The following ARHGAP31 variants were observed in gnomAD, a reference collection of about 807,000 sequenced individuals.
ARHGAP31 encodes rho GTPase-activating protein 31.
In ARHGAP31, 34 loss-of-function variants were observed where a neutral mutation model predicts 113.9. The observed-to-expected ratio is 0.30, with a 90% CI of 0.23 to 0.40. ARHGAP31 has a LOEUF of 0.40. Ranked by LOEUF, ARHGAP31 falls within the 10% of genes least tolerant of loss-of-function variation. The pLI is 1.00. For missense variants in ARHGAP31, 1,548 were observed against 1,767.1 expected (o/e 0.88, Z 2.22); for synonymous variants, 650 against 684.8 (o/e 0.95, Z 0.79).
intron 6 of ARHGAP31, among the ~76,000 whole-genome samples, chr3:119,384,661 C>A (rs1298009826): frequency 6.6e-6 from 1 of 152,148 alleles, no homozygotes; most frequent in East Asian, 1.9e-4. Flanking sequence ...TGACATGAAT[C>A]CACTTAGAAG....
intron 1 of ARHGAP31, among the ~76,000 whole-genome samples, chr3:119,307,940 C>CAAAGAAAAAA (rs2079644500): frequency 2.2e-5 from 1 of 45,452 alleles, no homozygotes; most frequent in Non-Finnish European, 3.7e-5. Flanking sequence ...GAATTAACAG[C>CAAAGAAAAAA]AAAAAAAAAA....
intron 3 of ARHGAP31, among the ~76,000 whole-genome samples, chr3:119,370,383 T>C (rs1214969007): frequency 1.3e-5 from 2 of 152,218 alleles, no homozygotes; most frequent in Non-Finnish European, 2.9e-5. Context: ...ATTCTTTCCA[T>C]AGTGTTTTTG....
At chr3:119,391,589 A>ACCCCCCCCCCCCCCCCCCC (rs368549202) in intron 7 of ARHGAP31, among the ~76,000 whole-genome samples, 155 of 103,670 alleles carry the variant, frequency 1.5e-3, no homozygotes, top group Non-Finnish European at 1.7e-3. Flanking sequence ...CTGGGTCTCT[A>ACCCCCCCCCCCCCCCCCCC]CCCCCCCCTC....
chr3:119,360,014 A>T (rs2080191880), intron 1 of ARHGAP31, among the ~76,000 whole-genome samples: 1 of 152,092 alleles, frequency 6.6e-6, no homozygotes, highest in African/African-American at 2.4e-5. Context: ...ATTACCTCAA[A>T]CAAGATGATG....
chr3:119,373,995 C>T (rs1306201643), intron 3 of ARHGAP31, among the ~76,000 whole-genome samples: 1 of 152,168 alleles, frequency 6.6e-6, no homozygotes, highest in East Asian at 1.9e-4. Context: ...GAGTACATGT[C>T]TAACAGTGAG....
At chr3:119,400,462 A>G (rs1327748836) in intron 9 of ARHGAP31, among the ~76,000 whole-genome samples, 1 of 152,080 alleles carries the variant, frequency 6.6e-6, no homozygotes, top group Non-Finnish European at 1.5e-5. Flanking sequence ...TCAAAAAAAA[A>G]ATAATAATAA....
chr3:119,401,851 A>G lies in ARHGAP31; in HGVS notation c.1099A>G (p.Thr367Ala), dbSNP rs202189188. 5.3e-5 allele frequency: 86 copies of G among 1,613,920 alleles called. No homozygotes were observed. Among genetic ancestry groups the G allele is most frequent in the Non-Finnish European group, 7.1e-5 (84 of 1,180,024 alleles). The change falls in exon 10 of 12, where the codon ACA becomes GCA. Residue 367 changes from threonine to alanine, a missense_variant. Physicochemically the swap from Thr to Ala is moderately conservative, Grantham distance 58 (BLOSUM62 0). Coordinates refer to ENST00000264245, the MANE Select transcript of ARHGAP31 (RefSeq NM_020754.4). ...AGAAACCAAGGGAAATTTCAATCGA[A>G]CAGTTACCACCGGTGGATTTTTCAT... is the stretch of plus-strand genomic sequence containing the variant. ...GKETKGNFNR[T>A]VTTGGFFIPA...
At chr3:119,375,033 C>A (rs983385098) in intron 3 of ARHGAP31, among the ~76,000 whole-genome samples, 5 of 151,348 alleles carry the variant, frequency 3.3e-5, no homozygotes, top group African/African-American at 1.2e-4. Context: ...TTTTGTTTTT[C>A]TTCACCTATA....
chr3:119,337,276 C>G (rs2079962741), intron 1 of ARHGAP31, among the ~76,000 whole-genome samples: 1 of 152,182 alleles, frequency 6.6e-6, no homozygotes, highest in Non-Finnish European at 1.5e-5. Context: ...TTACAGACGT[C>G]AGGAGTGAAG....
At position 119,416,526 on chromosome 3, in the gene ARHGAP31, G is replaced by A. The variant is rs2080780859; in HGVS notation, c.*262G>A. On this transcript the variant is annotated 3_prime_UTR_variant, in exon 12 of 12. Transcript: ENST00000264245. ...GGTAAGGGGAGAGGATGGAATGCTT[G>A]CCTCCAATGAACTTTGGAGCTTGTA... The A allele has an allele frequency of 1.2e-5, 6 of 500,096 alleles. No individual in the cohort carries two copies. Among genetic ancestry groups the A allele is most frequent in the Non-Finnish European group, 2.2e-5 (6 of 276,044 alleles). 31.0% of individuals were successfully genotyped at this position (500,096 alleles called of 1,614,324 possible).
At chr3:119,403,954 T>C (rs1199836011) in intron 10 of ARHGAP31, among the ~76,000 whole-genome samples, 1 of 152,162 alleles carries the variant, frequency 6.6e-6, no homozygotes, top group Non-Finnish European at 1.5e-5. Context: ...AAAATGTCCA[T>C]AAAATACCTG....
chr3:119,308,079 A>G (rs984377253), intron 1 of ARHGAP31, among the ~76,000 whole-genome samples: 2 of 151,974 alleles, frequency 1.3e-5, no homozygotes, highest in Non-Finnish European at 2.9e-5. Flanking sequence ...GCATTTTAAC[A>G]TGGAAGCTTG....
intron 1 of ARHGAP31, chr3:119,322,833 CA>C (rs1428591777): frequency 1.3e-5 from 2 of 153,224 alleles, no homozygotes; most frequent in African/African-American, 4.8e-5. Flanking sequence ...GGGGCTCCGC[CA>C]GGGGGAGGGG....
intron 7 of ARHGAP31, among the ~76,000 whole-genome samples, chr3:119,391,596 C>G (rs1195463462): frequency 2.1e-5 from 2 of 95,302 alleles, no homozygotes; most frequent in African/African-American, 5.4e-5. Flanking sequence ...TCTACCCCCC[C>G]CTCCCCCCCG....
chr3:119,384,655 A>G (rs1420832263), intron 6 of ARHGAP31, among the ~76,000 whole-genome samples: 1 of 152,202 alleles, frequency 6.6e-6, no homozygotes, highest in African/African-American at 2.4e-5. Context: ...CAATAATGAC[A>G]TGAATCCACT....
At chr3:119,355,660 G>A (rs765848103) in intron 1 of ARHGAP31, among the ~76,000 whole-genome samples, 1 of 151,734 alleles carries the variant, frequency 6.6e-6, no homozygotes, top group Non-Finnish European at 1.5e-5. Flanking sequence ...GACAGGCCCC[G>A]GTGTGTGATG....
chr3:119,383,172 A>G lies in ARHGAP31; in HGVS notation c.628A>G (p.Asn210Asp). The change falls in exon 6 of 12, where the codon AAT (asparagine) becomes GAT (aspartate). Residue 210 changes from asparagine to aspartate, a missense_variant. Asn to Asp is a conservative substitution (Grantham distance 23). Transcript: ENST00000264245. ...VQQVVIEFILNHVDQIFNNGA... is the reference protein window; with the variant it reads ...VQQVVIEFILDHVDQIFNNGA... ...GCAGGTGGTGATTGAGTTCATATTG[A>G]ATCATGTAGATCAAATCTTTAACAA... 1 of 1,614,192 alleles carries G rather than the reference A, an allele frequency of 6.2e-7. No individual in the cohort carries two copies.
At chr3:119,409,819 T>G (rs2080700805) in intron 11 of ARHGAP31, 43 bp downstream of exon 11, 1 of 1,538,214 alleles carries the variant, frequency 6.5e-7, no homozygotes, top group Non-Finnish European at 8.7e-7. Flanking sequence ...TGGAGTTATT[T>G]TTTCCCAAGG....
chr3:119,326,079 C>T (rs1417763112), intron 1 of ARHGAP31, among the ~76,000 whole-genome samples: 1 of 152,040 alleles, frequency 6.6e-6, no homozygotes, highest in Admixed American at 6.6e-5. Flanking sequence ...GTAATCCCAG[C>T]TACTCAGGAG....
Sources: allele counts gnomAD v4.1 joint callset (sites outside exome capture counted in the v4.1 genomes callset), GRCh38; gene constraint gnomAD v4.1.1; transcripts MANE v1.5; gene names NCBI Gene and HGNC (gene_info 2026-07-23, HGNC 2026-07-21).